Variants in AGBL4 observed in about 807,000 individuals in gnomAD.
AGBL4 encodes the protein cytosolic carboxypeptidase 6.
AGBL4 carries 58 observed loss-of-function variants against 66.4 expected under a neutral mutation model. The ratio of observed to expected loss-of-function variants is 0.87; its 90% CI spans 0.71 to 1.09. AGBL4 has a LOEUF of 1.09. Ranked by LOEUF, AGBL4 falls within the 50% of genes least tolerant of loss-of-function variation. The pLI, the probability that AGBL4 is intolerant of heterozygous loss-of-function variation, is 0.00. For missense variants in AGBL4, 579 were observed against 631.0 expected (o/e 0.92, Z 0.88); for synonymous variants, 234 against 222.9 (o/e 1.05, Z -0.44).
At chr1:49,846,932 A>G (rs190943810) in intron 2 of AGBL4, among the ~76,000 whole-genome samples, 1 of 152,326 alleles carries the variant, frequency 6.6e-6, no homozygotes, top group East Asian at 1.9e-4. Flanking sequence ...AAGCAATCCT[A>G]AAATTCATAT....
At chr1:49,154,271 T>C (rs186938645) in intron 4 of AGBL4, among the ~76,000 whole-genome samples, 22 of 152,108 alleles carry the variant, frequency 1.4e-4, no homozygotes, top group Non-Finnish European at 2.8e-4. Flanking sequence ...TGTCTTCTCC[T>C]GGAAAACAGG....
chr1:48,660,305 G>A (rs550689078), intron 7 of AGBL4, among the ~76,000 whole-genome samples: 72 of 152,322 alleles, frequency 4.7e-4, no homozygotes, highest in South Asian at 2.7e-3. Context: ...GCAGCTCGGC[G>A]GTGAGAACTG....
chr1:49,173,890 C>A (rs1420197617), intron 4 of AGBL4, among the ~76,000 whole-genome samples: 1 of 152,006 alleles, frequency 6.6e-6, no homozygotes, highest in East Asian at 1.9e-4. Flanking sequence ...CAGTTTCAAG[C>A]AAAGTAAACA....
chr1:49,546,535 G>A (rs1031095346), intron 3 of AGBL4, among the ~76,000 whole-genome samples: 2 of 152,008 alleles, frequency 1.3e-5, no homozygotes, highest in Admixed American at 6.6e-5. Flanking sequence ...ACCCAGTAGT[G>A]CAATTGCTGA....
chr1:49,774,902 G>C (rs895005357), intron 2 of AGBL4, among the ~76,000 whole-genome samples: 1 of 152,070 alleles, frequency 6.6e-6, no homozygotes. Context: ...AAGGAGACAA[G>C]TGCACAAGGA....
chr1:49,779,010 AC>A (rs1190493933), intron 2 of AGBL4, among the ~76,000 whole-genome samples: 1 of 152,204 alleles, frequency 6.6e-6, no homozygotes, highest in African/African-American at 2.4e-5. Flanking sequence ...TACTCAGAGC[AC>A]TACCAAAACA....
At chr1:49,091,710 C>T (rs1645006981) in intron 4 of AGBL4, among the ~76,000 whole-genome samples, 1 of 152,020 alleles carries the variant, frequency 6.6e-6, no homozygotes, top group Non-Finnish European at 1.5e-5. Flanking sequence ...AGTCATTCTA[C>T]CATAAAAACA....
chr1:48,808,623 G>A (rs959319501), intron 6 of AGBL4, among the ~76,000 whole-genome samples: 1 of 152,106 alleles, frequency 6.6e-6, no homozygotes, highest in Non-Finnish European at 1.5e-5. Context: ...AAGATATGCT[G>A]GGTGTCAGAT....
chr1:49,941,213 G>C (rs1654726973), intron 1 of AGBL4, among the ~76,000 whole-genome samples: 1 of 152,128 alleles, frequency 6.6e-6, no homozygotes, highest in Non-Finnish European at 1.5e-5. Flanking sequence ...TCAAAGAAAA[G>C]TATAGAACCA....
chr1:49,738,274 C>T lies in AGBL4; in HGVS notation c.158-40837G>A, dbSNP rs948585488. Among the ~76,000 whole-genome samples, 3 of 152,318 alleles carry T rather than the reference C, an allele frequency of 2.0e-5. No homozygotes were observed. The South Asian group carries it at 6.2e-4, about 32-fold the overall frequency. On this transcript the variant is annotated intron_variant, in intron 2 of 13. Transcript: ENST00000371839. ...AGGAGATTGTATCCCGTGCCTGGAT[C>T]GGGGGTCCTACGCCCACGGAGCCCC...
chr1:48,653,472 G>A (rs372467489), intron 7 of AGBL4, 21 bp from the exon 8 acceptor site: 168 of 1,489,088 alleles, frequency 1.1e-4, no homozygotes, highest in Non-Finnish European at 1.5e-4. Flanking sequence ...AGAAGAGCCC[G>A]GTTTAACAAC....
At chr1:48,917,256 CATTT>C (rs967461982) in intron 5 of AGBL4, among the ~76,000 whole-genome samples, 1 of 151,742 alleles carries the variant, frequency 6.6e-6, no homozygotes, top group Non-Finnish European at 1.5e-5. Context: ...TTATAAAATA[CATTT>C]ATTTAAAAAT....
At chr1:49,590,575 T>A (rs1426198278) in intron 3 of AGBL4, among the ~76,000 whole-genome samples, 1 of 152,082 alleles carries the variant, frequency 6.6e-6, no homozygotes, top group Non-Finnish European at 1.5e-5. Flanking sequence ...CATTTCTATA[T>A]ACTTTTCAAA....
chr1:48,708,234 C>T (rs906722522), intron 6 of AGBL4, among the ~76,000 whole-genome samples: 6 of 152,202 alleles, frequency 3.9e-5, no homozygotes, highest in African/African-American at 1.4e-4. Flanking sequence ...GCCCTCTGCT[C>T]AGCCTGCTAC....
At chr1:49,118,014 CTCTG>C (rs1490007893) in intron 4 of AGBL4, among the ~76,000 whole-genome samples, 3 of 151,606 alleles carry the variant, frequency 2.0e-5, no homozygotes, top group Non-Finnish European at 4.4e-5. Context: ...TGATTTGGCT[CTCTG>C]TCTGTTATTG....
chr1:48,534,203 C>T lies in AGBL4; in HGVS notation c.1482G>A (p.Val494=). The change falls in exon 14 of 14, where the codon GTG becomes GTA. Residue 494 remains valine, a synonymous_variant. Transcript: ENST00000371839. ...PNSKGDKKSS[V]NHKDPSTPF is the part of the protein sequence containing the mutation. ...AAGGGGTTGAAGGGTCTTTGTGGTT[C>T]ACTGAGCTCTTCTTGTCCCCTTTGC... 6.4e-7 allele frequency: 1 copy of T among 1,551,600 alleles called. No homozygotes were observed. The highest frequency in any genetic ancestry group is 1.2e-5 in the South Asian group (1 of 84,056).
chr1:49,919,689 A>C (rs539035523), intron 1 of AGBL4, among the ~76,000 whole-genome samples: 38 of 152,008 alleles, frequency 2.5e-4, no homozygotes, highest in African/African-American at 2.4e-4. Flanking sequence ...ATTCAATGCC[A>C]TCCCCATCAA....
intron 6 of AGBL4, among the ~76,000 whole-genome samples, chr1:48,848,632 G>A (rs1233509671): frequency 6.6e-6 from 1 of 152,136 alleles, no homozygotes; most frequent in Non-Finnish European, 1.5e-5. Context: ...ACATGCTGAT[G>A]AATGTTGGGA....
chr1:49,323,448 A>ATT (rs11295329), intron 3 of AGBL4, among the ~76,000 whole-genome samples: 14 of 114,860 alleles, frequency 1.2e-4, no homozygotes, highest in African/African-American at 2.0e-4. Context: ...TGCCTGGCTA[A>ATT]TTTTTTTTTT....
Sources: gnomAD v4.1 joint callset for allele counts (sites outside exome capture counted in the v4.1 genomes callset) on GRCh38, gnomAD v4.1.1 for gene constraint, MANE v1.5 for transcripts, NCBI Gene and HGNC (gene_info 2026-07-23, HGNC 2026-07-21) for gene names.